The following IFT122 variants were observed in gnomAD, a reference collection of about 807,000 sequenced individuals.
IFT122 encodes the protein intraflagellar transport 122.
In IFT122, 118 loss-of-function variants were observed where a neutral mutation model predicts 161.6. The observed-to-expected ratio is 0.73, with a 90% CI of 0.63 to 0.85. The LOEUF (loss-of-function observed/expected upper bound fraction) is 0.85. Among genes scored for constraint, IFT122 ranks in the 40% least tolerant of loss-of-function variants. IFT122 has a pLI of 0.00. For synonymous variants in IFT122, 550 were observed against 602.4 expected, an observed-to-expected ratio of 0.91 and a Z score of 1.27; for missense variants, 1,381 against 1,579.6, an observed-to-expected ratio of 0.87 and a Z score of 2.13.
At chr3:129,447,853 G>A (rs1038868149) in intron 1 of IFT122, among the ~76,000 whole-genome samples, 2 of 152,098 alleles carry the variant, frequency 1.3e-5, no homozygotes, top group Non-Finnish European at 2.9e-5. Flanking sequence ...TATTAATGCC[G>A]GAGAGGTACA....
intron 24 of IFT122, 70 bp from the exon 25 acceptor site, chr3:129,514,319 T>TC (rs1220585871): frequency 1.2e-5 from 18 of 1,558,896 alleles, no homozygotes; most frequent in African/African-American, 2.7e-5. Context: ...TGGGGCTCAC[T>TC]CCAAGGACAG....
At chr3:129,517,897 A>C (rs1418346707) in intron 27 of IFT122, among the ~76,000 whole-genome samples, 2 of 152,216 alleles carry the variant, frequency 1.3e-5, no homozygotes, top group South Asian at 4.1e-4. Flanking sequence ...TAGCTCCTGC[A>C]TAGCCAACAT....
rs1559850255 is a variant in IFT122, at chr3:129,454,516, TG to T, written c.193+2519del. On this transcript the variant is annotated intron_variant, in intron 3 of 29. Transcript: ENST00000348417. The stretch of plus-strand genomic sequence containing the variant: ...TGCTGTACCATGGTAGTCATATTTG[TG>T]TGTGTGTGTGTGTGTGTGTGTGTGT... Among the ~76,000 whole-genome samples the T allele has an allele frequency of 3.3e-3, 419 of 125,548 alleles. 5 individuals are homozygous for T. The highest frequency in any genetic ancestry group is 0.011 in the African/African-American group (377 of 34,556). 82.4% of individuals were successfully genotyped at this position (125,548 alleles called of 152,430 possible).
At chr3:129,508,988 G>A (rs2108601264) in intron 23 of IFT122, among the ~76,000 whole-genome samples, 1 of 152,276 alleles carries the variant, frequency 6.6e-6, no homozygotes. Context: ...CAACTGTAGT[G>A]GATCAGACCA....
intron 1 of IFT122, among the ~76,000 whole-genome samples, chr3:129,442,014 C>G (rs566584599): frequency 6.6e-6 from 1 of 152,084 alleles, no homozygotes; most frequent in South Asian, 2.1e-4. Flanking sequence ...CTAGTGTGCT[C>G]AGCTCTTCCT....
chr3:129,450,713 G>GTGTGT (rs2074676920), intron 2 of IFT122, among the ~76,000 whole-genome samples: 1 of 80,966 alleles, frequency 1.2e-5, no homozygotes, highest in Non-Finnish European at 2.3e-5. Context: ...GTGTGTGTGT[G>GTGTGT]TTTTTTTTTT....
chr3:129,478,103 A>G lies in IFT122; in HGVS notation c.1235A>G (p.Tyr412Cys), dbSNP rs773603056. 7 of 1,613,894 alleles carry G rather than the reference A, an allele frequency of 4.3e-6. No individual in the cohort carries two copies. The highest frequency in any genetic ancestry group is 2.2e-5 in the South Asian group (2 of 91,090). ...AIQLPEKILIYELYSEDLSDM... is the reference protein window; with the variant it reads ...AIQLPEKILICELYSEDLSDM... The stretch of plus-strand genomic sequence containing the variant: ...CAACTGCCAGAGAAAATCCTCATCT[A>G]TGAGTTGTATTCAGAGGACTTATCA... Residue 412 changes from tyrosine to cysteine, a missense_variant, in exon 12 of 30, where the codon TAT becomes TGT. Coordinates refer to ENST00000348417, the MANE Select transcript of IFT122 (RefSeq NM_052989.3).
At chr3:129,487,406 G>C (rs760690119) in intron 15 of IFT122, 1 of 152,266 alleles carries the variant, frequency 6.6e-6, no homozygotes, top group Admixed American at 6.5e-5. Context: ...TCTGAGTCTC[G>C]GTCTCCTGGG....
Position 129,506,474 on chromosome 3 carries a change from G to A in IFT122, c.2716G>A (p.Val906Met), listed in dbSNP as rs1340721508. 1.2e-6 allele frequency: 2 copies of A among 1,614,110 alleles called. No homozygotes were observed. Among genetic ancestry groups the A allele is most frequent in the African/African-American group, 1.3e-5 (1 of 74,946 alleles). ...QVLEQLTNNA[V>M]AESRFNDAAY... ...GCTGGAGCAGCTCACAAACAATGCC[G>A]TGGCGGAGAGCAGGTTTAATGATGC... Residue 906 changes from valine to methionine, a missense_variant, in exon 22 of 30, where the codon GTG becomes ATG. Around this residue, in one of 7 missense-constraint regions of IFT122, gnomAD observed 496 missense variants for 502.5 expected, o/e 0.99. Coordinates refer to ENST00000348417, the MANE Select transcript of IFT122 (RefSeq NM_052989.3).
chr3:129,477,685 G>A (rs998446976), intron 11 of IFT122, among the ~76,000 whole-genome samples: 3 of 152,192 alleles, frequency 2.0e-5, no homozygotes, highest in African/African-American at 7.2e-5. Flanking sequence ...CAGAGGTGAG[G>A]TCAGTTACTT....
intron 9 of IFT122, 78 bp downstream of exon 9, chr3:129,469,495 A>G: frequency 4.5e-6 from 5 of 1,112,570 alleles, no homozygotes; most frequent in Non-Finnish European, 6.9e-6. Context: ...ACTATTAATT[A>G]TACATTATCA....
intron 1 of IFT122, among the ~76,000 whole-genome samples, chr3:129,449,008 C>T (rs2074405146): frequency 6.6e-6 from 1 of 152,134 alleles, no homozygotes; most frequent in African/African-American, 2.4e-5. Flanking sequence ...CTCAGCTTGC[C>T]TATCTATGTT....
At chr3:129,443,788 C>T (rs1394702141) in intron 1 of IFT122, among the ~76,000 whole-genome samples, 3 of 152,090 alleles carry the variant, frequency 2.0e-5, no homozygotes, top group Non-Finnish European at 4.4e-5. Context: ...GCAAATCAGA[C>T]ATATATGATA....
intron 29 of IFT122, 78 bp from the exon 30 acceptor site, chr3:129,520,098 G>C: frequency 8.5e-7 from 1 of 1,181,086 alleles, no homozygotes. Context: ...CCCCTTGAGA[G>C]GCAGTGCGTC....
chr3:129,473,386 A>G (rs893575148), intron 9 of IFT122, among the ~76,000 whole-genome samples: 2 of 152,208 alleles, frequency 1.3e-5, no homozygotes, highest in African/African-American at 4.8e-5. Context: ...AATATGGTTC[A>G]CATTTTCCTG....
At chr3:129,469,785 CT>C (rs772574118) in intron 9 of IFT122, among the ~76,000 whole-genome samples, 3 of 152,188 alleles carry the variant, frequency 2.0e-5, no homozygotes, top group Non-Finnish European at 2.9e-5. Context: ...TATTCGCTTT[CT>C]TTCATTCAAC....
intron 13 of IFT122, among the ~76,000 whole-genome samples, 186 bp downstream of exon 13, chr3:129,480,108 C>T (rs1425515068): frequency 1.3e-5 from 2 of 152,174 alleles, no homozygotes; most frequent in Non-Finnish European, 2.9e-5. Context: ...TGCTGTGGCC[C>T]TCACACTCCT....
intron 19 of IFT122, among the ~76,000 whole-genome samples, chr3:129,502,102 C>T (rs1283227310): frequency 6.6e-6 from 1 of 152,196 alleles, no homozygotes; most frequent in Admixed American, 6.5e-5. Context: ...CCTGCAGCTC[C>T]TCCCTCTTTG....
chr3:129,459,722 T>C (rs1336177738), intron 4 of IFT122, among the ~76,000 whole-genome samples: 69 of 83,126 alleles, frequency 8.3e-4, no homozygotes, highest in African/African-American at 3.6e-3. Flanking sequence ...CCTTCCTTCC[T>C]TCCTTCCCTC....
Sources: gnomAD v4.1 joint callset for allele counts (sites outside exome capture counted in the v4.1 genomes callset) on GRCh38, gnomAD v4.1.1 for gene constraint, gnomAD v4.1.1 regional missense constraint, MANE v1.5 for transcripts, NCBI Gene and HGNC (gene_info 2026-07-23, HGNC 2026-07-21) for gene names.